NELL1: variants seen among roughly 807,000 people sequenced by gnomAD.
NELL1 encodes the protein neural EGFL like 1.
Under a neutral mutation model 107.4 loss-of-function variants are expected in NELL1, and 76 were observed. That is an observed-to-expected ratio of 0.71 (90% confidence interval 0.59 to 0.86). NELL1 has a LOEUF of 0.86. NELL1 is among the 40% of genes least tolerant of loss of function. NELL1 has a pLI of 0.00. For synonymous variants in NELL1, 353 were observed against 341.2 expected, an observed-to-expected ratio of 1.03 and a Z score of -0.38; for missense variants, 1,024 against 1,005.5, an observed-to-expected ratio of 1.02 and a Z score of -0.25.
chr11:21,002,440 G>A (rs1447385311), intron 12 of NELL1, among the ~76,000 whole-genome samples: 1 of 152,174 alleles, frequency 6.6e-6, no homozygotes, highest in Non-Finnish European at 1.5e-5. Context: ...AGATTGGAAA[G>A]TCTTTCTGTT....
chr11:21,217,176 T>C (rs1857634387), intron 13 of NELL1, among the ~76,000 whole-genome samples: 1 of 152,208 alleles, frequency 6.6e-6, no homozygotes, highest in Admixed American at 6.5e-5. Context: ...ACATGTTTGC[T>C]TCCCCTTCTC....
intron 3 of NELL1, among the ~76,000 whole-genome samples, chr11:20,814,943 C>G (rs1381575971): frequency 6.6e-6 from 1 of 152,174 alleles, no homozygotes; most frequent in Admixed American, 6.5e-5. Flanking sequence ...TGTAAATGTT[C>G]TCTTTTCTCT....
chr11:21,546,048 A>T (rs572348870), intron 16 of NELL1, among the ~76,000 whole-genome samples: 1 of 152,088 alleles, frequency 6.6e-6, no homozygotes, highest in Non-Finnish European at 1.5e-5. Flanking sequence ...AAGCTTGTGT[A>T]TACATCTGTG....
chr11:20,711,536 T>C (rs190951165), intron 2 of NELL1, among the ~76,000 whole-genome samples: 3 of 152,292 alleles, frequency 2.0e-5, no homozygotes, highest in East Asian at 3.9e-4. Context: ...TATTTCAAGA[T>C]TTAGAACTCC....
At chr11:21,365,289 G>T (rs962598380) in intron 14 of NELL1, among the ~76,000 whole-genome samples, 2 of 152,192 alleles carry the variant, frequency 1.3e-5, no homozygotes, top group Admixed American at 1.3e-4. Context: ...CATAGTAGGT[G>T]GTAGAGCCCT....
At position 21,309,262 on chromosome 11, in the gene NELL1, ATATATATATATATATATG is replaced by A. The variant is rs1214125698; in HGVS notation, c.1550-61573_1550-61556del. ...AAACCCACTCTAAATATATATATGT[ATATATATATATATATATG>A]TATATATATATATATATATGTATAT... On this transcript the variant is annotated intron_variant, in intron 14 of 19. Transcript: ENST00000357134. Among the ~76,000 whole-genome samples, 7 of 24,990 alleles carry A rather than the reference ATATATATATATATATATG, an allele frequency of 2.8e-4. 1 individual carries two copies. In the East Asian group the frequency reaches 3.4e-3, roughly 12 times the overall value. The allele number at this position is 24,990 out of a possible 152,430, so 16.4% of individuals were successfully genotyped here. A position where few individuals can be genotyped will look rare whatever the true frequency, so the allele number is the denominator to read the frequency against.
intron 13 of NELL1, among the ~76,000 whole-genome samples, chr11:21,217,867 T>A (rs2133868254): frequency 6.6e-6 from 1 of 152,280 alleles, no homozygotes; most frequent in Non-Finnish European, 1.5e-5. Context: ...AGGACAGCAA[T>A]GTGTCAATTG....
chr11:21,494,772 A>T lies in NELL1; in HGVS notation c.1646-39602A>T, dbSNP rs75240432. ...TGTAATATTATACAGTATTGTAAAC[A>T]AATCAACAGTTCAAACAACGTAGAT... On this transcript the variant is annotated intron_variant, in intron 15 of 19. Coordinates refer to ENST00000357134, the MANE Select transcript of NELL1 (RefSeq NM_006157.5). Among the ~76,000 whole-genome samples, 2,881 of 152,132 alleles carry T rather than the reference A, an allele frequency of 0.019. 188 individuals are homozygous for T. In the East Asian group the frequency reaches 0.23, roughly 12 times the overall value.
rs7943052 is a variant in NELL1 at position 21,271,748 on chromosome 11, C to T, written c.1549+42294C>T. Among the ~76,000 whole-genome samples the T allele has an allele frequency of 4.2e-3, 645 of 152,152 alleles. 5 individuals carry two copies. Among genetic ancestry groups the T allele is most frequent in the African/African-American group, 0.014 (601 of 41,496 alleles). On this transcript the variant is annotated intron_variant, in intron 14 of 19. Transcript: ENST00000357134. ...CAACAAAATATTAGTGAATTGACTC[C>T]GACAGTTATTTAAAAAAATACACCA...
chr11:20,702,914 C>A (rs747853601), intron 2 of NELL1, among the ~76,000 whole-genome samples: 6 of 152,076 alleles, frequency 3.9e-5, no homozygotes, highest in Non-Finnish European at 8.8e-5. Flanking sequence ...GGTTTGCCAG[C>A]ATTTTATTGA....
chr11:21,266,119 G>A (rs1848628462), intron 14 of NELL1, among the ~76,000 whole-genome samples: 1 of 151,780 alleles, frequency 6.6e-6, no homozygotes, highest in Non-Finnish European at 1.5e-5. Flanking sequence ...GTTCATCTAT[G>A]CACTTCCACA....
intron 15 of NELL1, among the ~76,000 whole-genome samples, chr11:21,482,937 C>T (rs1362187797): frequency 6.6e-6 from 1 of 151,810 alleles, no homozygotes; most frequent in Non-Finnish European, 1.5e-5. Flanking sequence ...TTATGGGGCC[C>T]ATTTGATTAA....
In NELL1 at chr11:21,481,760, C is replaced by T. The variant is rs78791595; in HGVS notation, c.1646-52614C>T. ...GATTGCCTGGCAATCTGGGCTAGCCCCACAATGCCCAAAACAGAACTGACT... is the reference window on the plus strand; with the variant it reads ...GATTGCCTGGCAATCTGGGCTAGCCTCACAATGCCCAAAACAGAACTGACT... On this transcript the variant is annotated intron_variant, in intron 15 of 19. Coordinates refer to ENST00000357134, the MANE Select transcript of NELL1 (RefSeq NM_006157.5). Among the ~76,000 whole-genome samples, 880 of 152,192 alleles carry T rather than the reference C, an allele frequency of 5.8e-3. 12 individuals carry two copies. Among genetic ancestry groups the T allele is most frequent in the African/African-American group, 0.02 (839 of 41,526 alleles).
intron 3 of NELL1, among the ~76,000 whole-genome samples, chr11:20,810,586 A>G (rs181640715): frequency 1.3e-5 from 2 of 152,326 alleles, no homozygotes; most frequent in East Asian, 1.9e-4. Flanking sequence ...TCCATAATAT[A>G]TATACCATAG....
At chr11:20,700,544 A>G (rs1854751388) in intron 2 of NELL1, among the ~76,000 whole-genome samples, 4 of 152,288 alleles carry the variant, frequency 2.6e-5, no homozygotes, top group Admixed American at 2.0e-4. Context: ...CTTCTAGGAT[A>G]CATGTGCACA....
intron 5 of NELL1, among the ~76,000 whole-genome samples, chr11:20,914,425 G>A (rs1003735512): frequency 3.3e-5 from 5 of 152,084 alleles, no homozygotes; most frequent in Admixed American, 1.3e-4. Context: ...GGTTGAAAGC[G>A]TTATCAGTAG....
At chr11:21,322,272 T>C (rs2133668374) in intron 14 of NELL1, among the ~76,000 whole-genome samples, 1 of 152,282 alleles carries the variant, frequency 6.6e-6, no homozygotes. Flanking sequence ...TTGGGGAATG[T>C]AATTTCACTT....
intron 16 of NELL1, among the ~76,000 whole-genome samples, chr11:21,558,671 T>C (rs923350304): frequency 6.6e-6 from 1 of 151,990 alleles, no homozygotes; most frequent in Admixed American, 6.6e-5. Flanking sequence ...GTGGGTATAG[T>C]GTATATAGAA....
intron 13 of NELL1, among the ~76,000 whole-genome samples, chr11:21,184,703 A>G (rs1856896169): frequency 6.8e-6 from 1 of 146,304 alleles, no homozygotes; most frequent in African/African-American, 2.5e-5. Context: ...TTAATTTATG[A>G]TATGTTTTAC....
Sources: allele counts gnomAD v4.1 joint callset (sites outside exome capture counted in the v4.1 genomes callset), GRCh38; gene constraint gnomAD v4.1.1; transcripts MANE v1.5; gene names NCBI Gene and HGNC (gene_info 2026-07-23, HGNC 2026-07-21).